SCYL2: variants seen among roughly 807,000 people sequenced by gnomAD.
The protein encoded by SCYL2 is SCY1-like protein 2.
SCYL2 carries 36 observed loss-of-function variants against 100.4 expected under a neutral mutation model. The observed-to-expected ratio is 0.36, with a 90% CI of 0.27 to 0.47. The LOEUF is 0.47. Among genes scored for constraint, SCYL2 ranks in the 20% least tolerant of loss-of-function variants. SCYL2 has a pLI of 1.00. For synonymous variants in SCYL2, 330 were observed against 359.2 expected, an observed-to-expected ratio of 0.92 and a Z score of 0.92; for missense variants, 902 against 1,083.9, an observed-to-expected ratio of 0.83 and a Z score of 2.36.
At chr12:100,336,240 A>G (rs1213055453) in intron 16 of SCYL2, among the ~76,000 whole-genome samples, 3 of 152,040 alleles carry the variant, frequency 2.0e-5, no homozygotes, top group African/African-American at 4.8e-5. Context: ...GATGGATTCT[A>G]CTATAGATTT....
intron 10 of SCYL2, among the ~76,000 whole-genome samples, chr12:100,321,458 C>A (rs2096355654): frequency 6.6e-6 from 1 of 152,128 alleles, no homozygotes; most frequent in Non-Finnish European, 1.5e-5. Flanking sequence ...TTTTCATTTT[C>A]TCATTTAGTT....
rs530322574 is a variant in SCYL2, at chr12:100,323,445, A to G, written c.1396-80A>G. ...TTTCAAACTATATGACAGTTTAGCC[A>G]TGCAAATGCAAAACTTTGTAATATC... On this transcript the variant is annotated intron_variant, in intron 10 of 17. Transcript: ENST00000360820. 16 of 814,446 alleles carry G rather than the reference A, an allele frequency of 2.0e-5. No homozygotes were observed. The South Asian group carries it at 2.5e-4, about 13-fold the overall frequency. 50.5% of individuals were successfully genotyped at this position (814,446 alleles called of 1,614,324 possible).
chr12:100,340,869 G>A lies in SCYL2; in HGVS notation c.*1697G>A, dbSNP rs1163592480. On this transcript the variant is annotated 3_prime_UTR_variant, in exon 18 of 18. Coordinates refer to ENST00000360820, the MANE Select transcript of SCYL2 (RefSeq NM_017988.6). The stretch of plus-strand genomic sequence containing the variant: ...ACAACTTGACCAGATTAGCTGTCCT[G>A]TTTGTAATGCAATATTAATATGTCT... 6.6e-6 allele frequency: 1 copy of A among 152,032 alleles called. No individual in the cohort carries two copies. The highest frequency in any genetic ancestry group is 1.5e-5 in the Non-Finnish European group (1 of 67,920). 9.4% of individuals were successfully genotyped at this position (152,032 alleles called of 1,614,324 possible).
intron 1 of SCYL2, among the ~76,000 whole-genome samples, chr12:100,278,452 T>A (rs1441573950): frequency 6.6e-6 from 1 of 152,110 alleles, no homozygotes; most frequent in Non-Finnish European, 1.5e-5. Flanking sequence ...CTCCCATCTC[T>A]AATAGTTTTT....
intron 7 of SCYL2, 61 bp downstream of exon 7, chr12:100,313,599 A>G (rs1360808894): frequency 1.1e-6 from 1 of 884,282 alleles, no homozygotes; most frequent in Non-Finnish European, 1.8e-6. Flanking sequence ...AAGTAGATTA[A>G]GTTTTTGGGT....
intron 12 of SCYL2, 63 bp from the exon 13 acceptor site, chr12:100,329,133 ATTATT>A (rs1858606104): frequency 1.3e-6 from 1 of 794,138 alleles, no homozygotes. Flanking sequence ...GTATACATAT[ATTATT>A]TTCATGATTT....
chr12:100,330,151 T>TA, intron 13 of SCYL2, among the ~76,000 whole-genome samples: 1 of 152,304 alleles, frequency 6.6e-6, no homozygotes, highest in East Asian at 1.9e-4. Context: ...AGAGTCTATA[T>TA]ATCACTGGGA....
chr12:100,302,422 T>C (rs1202331443), intron 4 of SCYL2, among the ~76,000 whole-genome samples: 1 of 152,206 alleles, frequency 6.6e-6, no homozygotes, highest in Non-Finnish European at 1.5e-5. Flanking sequence ...TTTAGTGCTT[T>C]CTTCAGGAGC....
intron 3 of SCYL2, among the ~76,000 whole-genome samples, chr12:100,294,981 C>T (rs1348650309): frequency 3.1e-4 from 45 of 146,018 alleles, no homozygotes; most frequent in Non-Finnish European, 5.1e-4. Context: ...ACTTCTCAGA[C>T]GGGGTGGCCG....
chr12:100,319,076 T>C (rs1321206265), intron 10 of SCYL2: 3 of 320,138 alleles, frequency 9.4e-6, no homozygotes, highest in African/African-American at 6.5e-5. Context: ...AATAGGATTT[T>C]TTTAAGTTAT....
rs1952332333 is a variant in SCYL2 at position 100,339,930 on chromosome 12, G to C, written c.*758G>C. On this transcript the variant is annotated 3_prime_UTR_variant, in exon 18 of 18. Coordinates refer to ENST00000360820, the MANE Select transcript of SCYL2 (RefSeq NM_017988.6). The stretch of plus-strand genomic sequence containing the variant: ...CTGTATCAAGGAAGAGGTATGTGCT[G>C]ATTTGTTTGGATATTTGACAAGGCA... 1 of 152,468 alleles carries C rather than the reference G, an allele frequency of 6.6e-6. No homozygotes were observed. Among genetic ancestry groups the C allele is most frequent in the African/African-American group, 2.4e-5 (1 of 41,428 alleles). 9.4% of individuals were successfully genotyped at this position (152,468 alleles called of 1,614,324 possible). A position where few individuals can be genotyped will look rare whatever the true frequency, so the allele number is the denominator to read the frequency against.
At chr12:100,326,548 A>T in intron 11 of SCYL2, 74 bp from the exon 12 acceptor site, 1 of 1,047,320 alleles carries the variant, frequency 9.5e-7, no homozygotes, top group Non-Finnish European at 1.4e-6. Context: ...TATGAAGATT[A>T]AGTTTACACT....
In SCYL2 at chr12:100,291,770, A is replaced by G; in HGVS notation, c.335+110A>G. 3.9e-6 allele frequency: 4 copies of G among 1,026,090 alleles called. No individual in the cohort carries two copies. The South Asian group carries it at 6.8e-5, about 17-fold the overall frequency. The allele number at this position is 1,026,090 out of a possible 1,614,324, so 63.6% of individuals were successfully genotyped here. A position where few individuals can be genotyped will look rare whatever the true frequency, so the allele number is the denominator to read the frequency against. ...TGTCAGTGAAAAATTCTTATACTCT[A>G]AGTGTTGAGTTCTTATGCATTAGTT... On this transcript the variant is annotated intron_variant, in intron 3 of 17. Coordinates refer to ENST00000360820, the MANE Select transcript of SCYL2 (RefSeq NM_017988.6).
chr12:100,339,242 T>C lies in SCYL2; in HGVS notation c.*70T>C. On this transcript the variant is annotated 3_prime_UTR_variant, in exon 18 of 18. Transcript: ENST00000360820. Reference sequence around the variant, plus strand: ...GGGTGAGCTGATTTACATCTTTATATAGTTGGCTTGGAGGAAGTACTTCTA... The same window carrying C: ...GGGTGAGCTGATTTACATCTTTATACAGTTGGCTTGGAGGAAGTACTTCTA... 6.8e-7 allele frequency: 1 copy of C among 1,473,792 alleles called. No individual in the cohort carries two copies. The highest frequency in any genetic ancestry group is 9.2e-7 in the Non-Finnish European group (1 of 1,090,194). 91.3% of individuals were successfully genotyped at this position (1,473,792 alleles called of 1,614,324 possible). A position where few individuals can be genotyped will look rare whatever the true frequency, so the allele number is the denominator to read the frequency against.
At chr12:100,320,479 C>T (rs1027376313) in intron 10 of SCYL2, among the ~76,000 whole-genome samples, 13 of 151,938 alleles carry the variant, frequency 8.6e-5, no homozygotes, top group Middle Eastern at 3.4e-3. Flanking sequence ...ACCCGGGAGG[C>T]GGAGGATGCA....
chr12:100,340,913 T>G lies in SCYL2; in HGVS notation c.*1741T>G, dbSNP rs1445153671. The G allele has an allele frequency of 6.6e-6, 1 of 152,138 alleles. No homozygotes were observed. Among genetic ancestry groups the G allele is most frequent in the African/African-American group, 2.4e-5 (1 of 41,462 alleles). 9.4% of individuals were successfully genotyped at this position (152,138 alleles called of 1,614,324 possible). ...TATGTCTTTTGGGAAAAAGCCTACA[T>G]ATGGAATAAAATAAGTATTGAAGAA... On this transcript the variant is annotated 3_prime_UTR_variant, in exon 18 of 18. Coordinates refer to ENST00000360820, the MANE Select transcript of SCYL2 (RefSeq NM_017988.6).
intron 8 of SCYL2, 95 bp downstream of exon 8, chr12:100,314,709 A>C: frequency 8.0e-7 from 1 of 1,247,582 alleles, no homozygotes; most frequent in African/African-American, 1.6e-5. Context: ...AAATAATATA[A>C]CTTTGCCTGA....
chr12:100,280,265 T>C (rs1456526788), intron 1 of SCYL2, among the ~76,000 whole-genome samples: 1 of 152,262 alleles, frequency 6.6e-6, no homozygotes, highest in Non-Finnish European at 1.5e-5. Flanking sequence ...TATTTTTAAA[T>C]GTATGAAATA....
intron 4 of SCYL2, among the ~76,000 whole-genome samples, chr12:100,300,376 A>G (rs548403185): frequency 6.6e-6 from 1 of 152,226 alleles, no homozygotes; most frequent in South Asian, 2.1e-4. Context: ...TTGTGGGTAC[A>G]TAGTAGGTAT....
Sources: allele counts gnomAD v4.1 joint callset (sites outside exome capture counted in the v4.1 genomes callset), GRCh38; gene constraint gnomAD v4.1.1; transcripts MANE v1.5; gene names NCBI Gene and HGNC (gene_info 2026-07-23, HGNC 2026-07-21).